CADM2: variants seen among roughly 807,000 people sequenced by gnomAD.
The protein encoded by CADM2 is immunoglobulin superfamily member 4D.
Under a neutral mutation model 49.8 loss-of-function variants are expected in CADM2, and 12 were observed. The observed-to-expected ratio is 0.24, with a 90% CI of 0.15 to 0.39. The LOEUF is 0.39. Among genes scored for constraint, CADM2 ranks in the 10% least tolerant of loss-of-function variants. CADM2 has a pLI of 1.00. For synonymous variants in CADM2, 214 were observed against 175.4 expected, an observed-to-expected ratio of 1.22 and a Z score of -1.74; for missense variants, 378 against 492.3, an observed-to-expected ratio of 0.77 and a Z score of 2.20.
At chr3:85,019,208 TGTG>T (rs2034391346) in intron 1 of CADM2, among the ~76,000 whole-genome samples, 1 of 152,122 alleles carries the variant, frequency 6.6e-6, no homozygotes, top group African/African-American at 2.4e-5. Flanking sequence ...GCTGGGCAGG[TGTG>T]GTGGCTCAAG....
intron 1 of CADM2, among the ~76,000 whole-genome samples, chr3:85,496,678 T>C (rs1422418848): frequency 1.3e-5 from 2 of 152,190 alleles, no homozygotes; most frequent in African/African-American, 4.8e-5. Flanking sequence ...AACCATTCCC[T>C]TTTCTCCACA....
intron 1 of CADM2, among the ~76,000 whole-genome samples, chr3:85,596,198 T>C (rs2063235261): frequency 6.6e-6 from 1 of 151,866 alleles, no homozygotes; most frequent in South Asian, 2.1e-4. Context: ...TGACTGTCAA[T>C]GTTCAATTAA....
chr3:85,770,738 A>G (rs1458565442), intron 2 of CADM2, among the ~76,000 whole-genome samples: 1 of 152,084 alleles, frequency 6.6e-6, no homozygotes, highest in African/African-American at 2.4e-5. Context: ...TGGCACTGTA[A>G]TTGTCTGGGC....
In CADM2 at chr3:86,074,151, G is replaced by A. The variant is rs115183805; in HGVS notation, c.*7368G>A. On this transcript the variant is annotated 3_prime_UTR_variant, in exon 10 of 10. Transcript: ENST00000383699. ...TTTTTTAACCTTCACACTCTAACCA[G>A]TATTATATATTTCAGCTACCTAAGA... 403 of 151,932 alleles carry A rather than the reference G, an allele frequency of 2.7e-3. 1 individual carries two copies. The highest frequency in any genetic ancestry group is 9.5e-3 in the African/African-American group (394 of 41,514). The allele number at this position is 151,932 out of a possible 1,614,324, so 9.4% of individuals were successfully genotyped here. A position where few individuals can be genotyped will look rare whatever the true frequency, so the allele number is the denominator to read the frequency against.
At chr3:85,618,598 G>A (rs2107478756) in intron 1 of CADM2, among the ~76,000 whole-genome samples, 1 of 152,046 alleles carries the variant, frequency 6.6e-6, no homozygotes, top group Admixed American at 6.6e-5. Context: ...CAGTCCAAAG[G>A]CTTGGCTCAC....
chr3:85,620,232 A>C lies in CADM2; in HGVS notation c.62-106290A>C, dbSNP rs536985343. On this transcript the variant is annotated intron_variant, in intron 1 of 9. Transcript: ENST00000383699. ...CTTTGTCATTTACTGTTTAAAACAC[A>C]GAACCTAAAATAGTCAATTTAATCA... 6.4e-4 allele frequency among the ~76,000 whole-genome samples: 97 copies of C among 152,256 alleles called. 1 individual carries two copies. The highest frequency in any genetic ancestry group is 1.2e-3 in the Non-Finnish European group (81 of 68,008).
chr3:85,209,738 A>G (rs1293256693), intron 1 of CADM2, among the ~76,000 whole-genome samples: 2 of 152,120 alleles, frequency 1.3e-5, no homozygotes, highest in African/African-American at 2.4e-5. Flanking sequence ...AGGCGTTTCC[A>G]ATTAGTCTGA....
chr3:85,181,535 C>G lies in CADM2; in HGVS notation c.61+221867C>G, dbSNP rs140788921. Among the ~76,000 whole-genome samples, 725 of 152,084 alleles carry G rather than the reference C, an allele frequency of 4.8e-3. 6 individuals carry two copies. The highest frequency in any genetic ancestry group is 0.017 in the African/African-American group (702 of 41,532). The stretch of plus-strand genomic sequence containing the variant: ...AAATGAAGCTCTTTCTGAGAATCTG[C>G]CATGTAAATTGAGAATTGAATATCA... On this transcript the variant is annotated intron_variant, in intron 1 of 9. Transcript: ENST00000383699.
chr3:85,930,279 C>T (rs1720422093), intron 6 of CADM2, among the ~76,000 whole-genome samples: 1 of 151,904 alleles, frequency 6.6e-6, no homozygotes, highest in Admixed American at 6.6e-5. Flanking sequence ...AGAGAGTGTG[C>T]AATATACATT....
At chr3:85,979,794 A>G (rs527423084) in intron 8 of CADM2, among the ~76,000 whole-genome samples, 60 of 151,792 alleles carry the variant, frequency 4.0e-4, no homozygotes, top group African/African-American at 1.4e-3. Flanking sequence ...TATTCAAAAT[A>G]CATGTATCCC....
At chr3:85,624,992 A>G (rs2064082712) in intron 1 of CADM2, among the ~76,000 whole-genome samples, 1 of 152,102 alleles carries the variant, frequency 6.6e-6, no homozygotes, top group African/African-American at 2.4e-5. Context: ...ATCTTGGACA[A>G]CTTTCTAACC....
chr3:85,990,153 T>A (rs1728611118), intron 8 of CADM2, among the ~76,000 whole-genome samples: 1 of 151,980 alleles, frequency 6.6e-6, no homozygotes, highest in Admixed American at 6.6e-5. Flanking sequence ...CATTTAAGAT[T>A]TTTTTGCCTT....
intron 8 of CADM2, among the ~76,000 whole-genome samples, chr3:86,020,249 A>C (rs1315648237): frequency 6.6e-6 from 1 of 151,756 alleles, no homozygotes; most frequent in African/African-American, 2.4e-5. Context: ...GAAATGGATA[A>C]ATTCCTCGAC....
intron 8 of CADM2, chr3:85,979,306 A>G (rs746728189): frequency 1.2e-6 from 2 of 1,606,392 alleles, no homozygotes; most frequent in Non-Finnish European, 1.7e-6. Flanking sequence ...TCTTTGTTAT[A>G]GCCTGGAAAG....
chr3:85,050,975 G>C (rs575026813), intron 1 of CADM2, among the ~76,000 whole-genome samples: 83 of 152,160 alleles, frequency 5.5e-4, no homozygotes, highest in Non-Finnish European at 1.0e-3. Flanking sequence ...AGCATACAAG[G>C]ACTGCCGCTG....
chr3:85,849,386 C>G lies in CADM2; in HGVS notation c.239-33905C>G, dbSNP rs537124289. Among the ~76,000 whole-genome samples, 39 of 152,250 alleles carry G rather than the reference C, an allele frequency of 2.6e-4. No homozygotes were observed. In the South Asian group the frequency reaches 8.1e-3, roughly 32 times the overall value. On this transcript the variant is annotated intron_variant, in intron 3 of 9. Transcript: ENST00000383699. The stretch of plus-strand genomic sequence containing the variant: ...CTACTGTTTACTGAATTAGCTATTT[C>G]TATTTTCTGAAGAATTTTAGCCCAA...
Position 86,066,995 on chromosome 3 carries a change from C to T in CADM2, c.*212C>T. 1 of 526,328 alleles carries T rather than the reference C, an allele frequency of 1.9e-6. No homozygotes were observed. Among genetic ancestry groups the T allele is most frequent in the Non-Finnish European group, 3.4e-6 (1 of 294,340 alleles). 32.6% of individuals were successfully genotyped at this position (526,328 alleles called of 1,614,324 possible). On this transcript the variant is annotated 3_prime_UTR_variant, in exon 10 of 10. Coordinates refer to ENST00000383699, the MANE Select transcript of CADM2 (RefSeq NM_001167675.2). ...CCATAATGCAGGACATTTCTTACTG[C>T]CTAAATTTCACACCATTGCTCTTTT...
At chr3:85,295,126 C>T (rs1432551374) in intron 1 of CADM2, among the ~76,000 whole-genome samples, 4 of 152,238 alleles carry the variant, frequency 2.6e-5, no homozygotes, top group Middle Eastern at 3.4e-3. Flanking sequence ...AAAAAGTGGG[C>T]AAAGGACATG....
chr3:85,660,912 T>TA (rs562976361), intron 1 of CADM2, among the ~76,000 whole-genome samples: 24,115 of 138,094 alleles, frequency 0.17, 2,321 homozygotes, highest in East Asian at 0.35. Flanking sequence ...ATAATCAAAC[T>TA]AAAAAAAAAA....
Sources: allele counts gnomAD v4.1 joint callset (sites outside exome capture counted in the v4.1 genomes callset), GRCh38; gene constraint gnomAD v4.1.1; transcripts MANE v1.5; gene names NCBI Gene and HGNC (gene_info 2026-07-23, HGNC 2026-07-21).